Variants in RGS22 observed in about 807,000 individuals in gnomAD.
RGS22 encodes the protein regulator of G protein signaling 22.
RGS22 carries 148 observed loss-of-function variants against 172.9 expected under a neutral mutation model. That is an observed-to-expected ratio of 0.86 (90% CI 0.75 to 0.98). The LOEUF (loss-of-function observed/expected upper bound fraction) is 0.98. RGS22 is among the 50% of genes least tolerant of loss of function. The probability of loss-of-function intolerance (pLI) is 0.00; values close to 1 mark genes in which losing one functional copy is unlikely to be tolerated. For synonymous variants in RGS22, 458 were observed against 480.2 expected, an observed-to-expected ratio of 0.95 and a Z score of 0.60; for missense variants, 1,347 against 1,440.8, an observed-to-expected ratio of 0.93 and a Z score of 1.05.
chr8:100,012,072 A>T (rs1482588795), intron 14 of RGS22, among the ~76,000 whole-genome samples: 3 of 151,898 alleles, frequency 2.0e-5, no homozygotes, highest in African/African-American at 7.2e-5. Context: ...GACAGGAGAC[A>T]GCAATAAATG....
intron 24 of RGS22, 122 bp from the exon 25 acceptor site, chr8:99,963,100 A>T: frequency 1.4e-6 from 1 of 715,066 alleles, no homozygotes. Context: ...ACACATAAAG[A>T]AAAGTGCACA....
intron 14 of RGS22, among the ~76,000 whole-genome samples, chr8:100,022,225 AAC>A (rs1325698833): frequency 6.7e-6 from 1 of 150,330 alleles, no homozygotes; most frequent in African/African-American, 2.5e-5. Flanking sequence ...TGCAGAGATC[AAC>A]ACAAGATGGA....
chr8:100,064,491 A>G (rs1178411538), intron 7 of RGS22, among the ~76,000 whole-genome samples: 1 of 145,418 alleles, frequency 6.9e-6, no homozygotes, highest in Non-Finnish European at 1.5e-5. Context: ...AACAAAAAAG[A>G]AAAAAAAGAA....
At chr8:99,988,841 T>A (rs939523793) in intron 20 of RGS22, among the ~76,000 whole-genome samples, 6 of 152,186 alleles carry the variant, frequency 3.9e-5, no homozygotes, top group Non-Finnish European at 7.3e-5. Context: ...ACACATGTCA[T>A]GTTCTGTGGA....
At chr8:100,060,174 G>T (rs1809996372) in intron 9 of RGS22, among the ~76,000 whole-genome samples, 1 of 151,742 alleles carries the variant, frequency 6.6e-6, no homozygotes. Flanking sequence ...TCTTTCCCTT[G>T]CTTCAAGTCC....
rs760280327 is a variant in RGS22, at chr8:100,006,111, TAA to T, written c.2362-4_2362-3del. On this transcript the variant is annotated splice_region_variant and splice_polypyrimidine_tract_variant and intron_variant, in intron 15 of 27. Transcript: ENST00000360863. ...TCGAGTTTCTTCCACCAGCTCCACC[TAA>T]AAAAAATAAATAAAGCTTGTGACAT... is the stretch of plus-strand genomic sequence containing the variant. The T allele has an allele frequency of 2.4e-5, 38 of 1,604,062 alleles. No homozygotes were observed. Among genetic ancestry groups the T allele is most frequent in the Non-Finnish European group, 6.0e-6 (7 of 1,173,894 alleles).
chr8:100,060,155 T>C (rs75102873), intron 9 of RGS22, among the ~76,000 whole-genome samples: 2,860 of 152,164 alleles, frequency 0.019, 80 homozygotes, highest in African/African-American at 0.061. Context: ...TTTTCCACTA[T>C]GCCCATTCTC....
At chr8:99,967,311 A>G (rs1311429868) in intron 23 of RGS22, among the ~76,000 whole-genome samples, 2 of 149,856 alleles carry the variant, frequency 1.3e-5, no homozygotes, top group African/African-American at 4.9e-5. Context: ...TTGGGCAGAC[A>G]CCGAGCTAGC....
In RGS22 at chr8:99,983,778, C is replaced by T. The variant is rs78303746; in HGVS notation, c.3181-1662G>A. Among the ~76,000 whole-genome samples, 1,288 of 152,180 alleles carry T rather than the reference C, an allele frequency of 8.5e-3. 5 individuals are homozygous for T. The highest frequency in any genetic ancestry group is 0.013 in the Non-Finnish European group (878 of 68,010). ...AAATTTGGAAACTTCTCACTTTAGG[C>T]CCAGAAATGAACCAACATTTATTAA... On this transcript the variant is annotated intron_variant, in intron 21 of 27. Transcript: ENST00000360863.
intron 2 of RGS22, among the ~76,000 whole-genome samples, chr8:100,102,118 T>A (rs1813541994): frequency 6.6e-6 from 1 of 152,206 alleles, no homozygotes; most frequent in Non-Finnish European, 1.5e-5. Flanking sequence ...GGGCTCATTC[T>A]TTCCTTCTAC....
At chr8:99,976,968 C>T (rs923268984) in intron 23 of RGS22, among the ~76,000 whole-genome samples, 18 of 151,864 alleles carry the variant, frequency 1.2e-4, no homozygotes, top group African/African-American at 3.9e-4. Context: ...GGAGCAATTA[C>T]CCCTTCTTAA....
At chr8:100,029,607 G>A (rs1276822325) in intron 14 of RGS22, among the ~76,000 whole-genome samples, 1 of 149,606 alleles carries the variant, frequency 6.7e-6, no homozygotes, top group East Asian at 2.0e-4. Context: ...GGAGGCTGAA[G>A]CAGGAGAATC....
In RGS22 at chr8:100,029,718, A is replaced by G. The variant is rs577062252; in HGVS notation, c.2166+9213T>C. On this transcript the variant is annotated intron_variant, in intron 14 of 27. Transcript: ENST00000360863. ...ACTCCGTCTCAAAAAAAAAAAAAAA[A>G]AAAAAGAAAAAAAGAAACCATGGCA... Among the ~76,000 whole-genome samples, 50 of 150,920 alleles carry G rather than the reference A, an allele frequency of 3.3e-4. No individual in the cohort carries two copies. The East Asian group carries it at 6.0e-3, about 18-fold the overall frequency.
intron 3 of RGS22, among the ~76,000 whole-genome samples, chr8:100,084,902 C>G (rs560466379): frequency 5.9e-5 from 9 of 152,146 alleles, no homozygotes; most frequent in Non-Finnish European, 1.2e-4. Context: ...TAAATTAAAA[C>G]TTGTGTAAAT....
intron 21 of RGS22, among the ~76,000 whole-genome samples, chr8:99,982,410 C>T (rs889360851): frequency 1.3e-5 from 2 of 152,124 alleles, no homozygotes; most frequent in African/African-American, 2.4e-5. Context: ...ATTTAACAAC[C>T]GTATAATGAG....
intron 21 of RGS22, among the ~76,000 whole-genome samples, chr8:99,983,710 C>T (rs1783831703): frequency 6.6e-6 from 1 of 152,120 alleles, no homozygotes; most frequent in Non-Finnish European, 1.5e-5. Context: ...CAAATTATGG[C>T]ATTTCTCTGT....
At position 100,016,352 on chromosome 8, in the gene RGS22, G is replaced by A. The variant is rs117144602; in HGVS notation, c.2167-7783C>T. On this transcript the variant is annotated intron_variant, in intron 14 of 27. Transcript: ENST00000360863. The stretch of plus-strand genomic sequence containing the variant: ...ACTAAACGATTGCACCTAAATGTAG[G>A]TATTAATTTGCCCTTCCACTTTTTT... 5.1e-3 allele frequency among the ~76,000 whole-genome samples: 672 copies of A among 132,934 alleles called. 3 individuals are homozygous for A. The highest frequency in any genetic ancestry group is 7.5e-3 in the Non-Finnish European group (472 of 62,652). 87.2% of individuals were successfully genotyped at this position (132,934 alleles called of 152,430 possible).
rs759322142 is a variant in RGS22 at position 99,981,970 on chromosome 8, CT to C, written c.3326del (p.Lys1109ArgfsTer3). Reference sequence around the variant, plus strand: ...CTCTAAATACATATGGTCCTAACTCCTTCCGGTGTTCAATAATCTTCTGGGC... The same window carrying C: ...CTCTAAATACATATGGTCCTAACTCCTCCGGTGTTCAATAATCTTCTGGGC... ...EQAQKIIEHRKELGPYVFREA... is the reference protein window; with the variant it reads ...EQAQKIIEHRXELGPYVFREA... On this transcript the variant is annotated frameshift_variant, in exon 22 of 28. Coordinates refer to ENST00000360863, the MANE Select transcript of RGS22 (RefSeq NM_015668.5). LOFTEE classifies it high-confidence loss of function. 1 of 1,613,860 alleles carries C rather than the reference CT, an allele frequency of 6.2e-7. No homozygotes were observed. Among genetic ancestry groups the C allele is most frequent in the Non-Finnish European group, 8.5e-7 (1 of 1,179,870 alleles).
In RGS22 at chr8:100,051,514, TA is replaced by T. The variant is rs1821329470; in HGVS notation, c.1689+1287del. Reference sequence around the variant, plus strand: ...ATAATATATAATAAATATATATAAATATATTTTTATATATTTATACATATAT... The same window carrying T: ...ATAATATATAATAAATATATATAAATTATTTTTATATATTTATACATATAT... On this transcript the variant is annotated intron_variant, in intron 10 of 27. Coordinates refer to ENST00000360863, the MANE Select transcript of RGS22 (RefSeq NM_015668.5). Among the ~76,000 whole-genome samples the T allele has an allele frequency of 1.8e-5, 2 of 108,568 alleles. 1 individual carries two copies. The highest frequency in any genetic ancestry group is 3.4e-5 in the Non-Finnish European group (2 of 58,112). 71.2% of individuals were successfully genotyped at this position (108,568 alleles called of 152,430 possible).
Sources: allele counts gnomAD v4.1 joint callset (sites outside exome capture counted in the v4.1 genomes callset), GRCh38; gene constraint gnomAD v4.1.1; transcripts MANE v1.5; gene names NCBI Gene and HGNC (gene_info 2026-07-23, HGNC 2026-07-21).